MSH3: variants seen among roughly 807,000 people sequenced by gnomAD.
MSH3 encodes mutS homolog 3.
MSH3 carries 106 observed loss-of-function variants against 123.3 expected under a neutral mutation model. That is an observed-to-expected ratio of 0.86 (90% confidence interval 0.73 to 1.01). MSH3 has a LOEUF of 1.01. Ranked by LOEUF, MSH3 falls within the 50% of genes least tolerant of loss-of-function variation. The pLI, the probability that MSH3 is intolerant of heterozygous loss-of-function variation, is 0.00. For missense variants in MSH3, 1,459 were observed against 1,347.6 expected (o/e 1.08, Z -1.29); for synonymous variants, 515 against 481.4 (o/e 1.07, Z -0.91).
chr5:80,754,649 A>T (rs563615911), intron 12 of MSH3, among the ~76,000 whole-genome samples: 7 of 152,194 alleles, frequency 4.6e-5, no homozygotes, highest in Non-Finnish European at 8.8e-5. Flanking sequence ...GCATGCTAAG[A>T]TAATTCTTGG....
chr5:80,775,573 T>C (rs1329987940), intron 15 of MSH3, 121 bp from the exon 16 acceptor site: 2 of 655,020 alleles, frequency 3.1e-6, no homozygotes, highest in African/African-American at 1.8e-5. Flanking sequence ...TGAAAAACAA[T>C]ACTGGACTTA....
intron 20 of MSH3, among the ~76,000 whole-genome samples, chr5:80,822,002 G>T (rs1745211388): frequency 6.6e-6 from 1 of 152,226 alleles, no homozygotes; most frequent in Non-Finnish European, 1.5e-5. Flanking sequence ...TTTAAGCAGA[G>T]TAAAATCCTA....
rs1023290175 is a variant in MSH3, at chr5:80,655,043, A to G, written c.237+79A>G. Reference sequence around the variant, plus strand: ...GTGGGTAAGGCGGGCGGAGGCGGGGACCCTCCGCCCGATGATAGGGCTGGA... The same window carrying G: ...GTGGGTAAGGCGGGCGGAGGCGGGGGCCCTCCGCCCGATGATAGGGCTGGA... On this transcript the variant is annotated intron_variant, in intron 1 of 23. Coordinates refer to ENST00000265081, the MANE Select transcript of MSH3 (RefSeq NM_002439.5). 8 of 825,812 alleles carry G rather than the reference A, an allele frequency of 9.7e-6. No homozygotes were observed. In the East Asian group the frequency reaches 1.9e-4, roughly 20 times the overall value. The allele number at this position is 825,812 out of a possible 1,614,324, so 51.2% of individuals were successfully genotyped here.
At chr5:80,755,514 G>A (rs1335875536) in intron 12 of MSH3, among the ~76,000 whole-genome samples, 1 of 152,114 alleles carries the variant, frequency 6.6e-6, no homozygotes, top group African/African-American at 2.4e-5. Flanking sequence ...AATGCCATAA[G>A]AAGACTTCAT....
intron 8 of MSH3, 55 bp from the exon 9 acceptor site, chr5:80,725,398 C>T (rs547936308): frequency 5.6e-5 from 67 of 1,193,458 alleles, no homozygotes; most frequent in Non-Finnish European, 7.8e-5. Context: ...ACCTAAATAC[C>T]AGCATTTCAT....
chr5:80,836,734 A>C (rs1489605792), intron 20 of MSH3, among the ~76,000 whole-genome samples: 2 of 150,364 alleles, frequency 1.3e-5, no homozygotes, highest in Non-Finnish European at 2.9e-5. Flanking sequence ...TAGAATACCT[A>C]GTGTAATGTA....
chr5:80,706,140 A>C (rs1261030041), intron 8 of MSH3, among the ~76,000 whole-genome samples: 1 of 152,200 alleles, frequency 6.6e-6, no homozygotes, highest in South Asian at 2.1e-4. Context: ...TGGTTTAAAA[A>C]AACTTTTTTT....
intron 20 of MSH3, among the ~76,000 whole-genome samples, chr5:80,843,850 A>C (rs1745670669): frequency 6.6e-6 from 1 of 152,062 alleles, no homozygotes; most frequent in South Asian, 2.1e-4. Context: ...CTTTTCAAAA[A>C]ACTAGCTCCT....
chr5:80,859,031 T>C (rs1745966359), intron 21 of MSH3, among the ~76,000 whole-genome samples: 1 of 152,066 alleles, frequency 6.6e-6, no homozygotes, highest in Non-Finnish European at 1.5e-5. Flanking sequence ...GTCTGCTCTG[T>C]CTCAAATTAA....
chr5:80,678,266 A>G (rs929197091), intron 7 of MSH3, among the ~76,000 whole-genome samples: 3 of 152,082 alleles, frequency 2.0e-5, no homozygotes, highest in African/African-American at 7.2e-5. Context: ...TTGGCTAGAA[A>G]CTTCCTATCA....
In MSH3 at chr5:80,665,422, G is replaced by A. The variant is rs1824837; in HGVS notation, c.579+59G>A. 337,035 of 1,291,162 alleles carry A rather than the reference G, an allele frequency of 0.26. 47,138 individuals carry two copies. The highest frequency in any genetic ancestry group is 0.39 in the Middle Eastern group (1,512 of 3,882). 80.0% of individuals were successfully genotyped at this position (1,291,162 alleles called of 1,614,324 possible). A position where few individuals can be genotyped will look rare whatever the true frequency, so the allele number is the denominator to read the frequency against. Reference sequence around the variant, plus strand: ...CTAGAATAGTGGGTTCTGAAGTACTGTCAGGTTCTCTGAGGTCATTCATGG... The same window carrying A: ...CTAGAATAGTGGGTTCTGAAGTACTATCAGGTTCTCTGAGGTCATTCATGG... On this transcript the variant is annotated intron_variant, in intron 3 of 23. Coordinates refer to ENST00000265081, the MANE Select transcript of MSH3 (RefSeq NM_002439.5).
At chr5:80,782,039 T>C (rs1175214030) in intron 17 of MSH3, among the ~76,000 whole-genome samples, 4 of 151,836 alleles carry the variant, frequency 2.6e-5, no homozygotes, top group African/African-American at 7.3e-5. Flanking sequence ...ATACAGACTT[T>C]TATATTTTTA....
intron 20 of MSH3, among the ~76,000 whole-genome samples, chr5:80,837,590 A>T (rs1745539782): frequency 6.6e-6 from 1 of 152,090 alleles, no homozygotes; most frequent in Non-Finnish European, 1.5e-5. Flanking sequence ...AAAATAAAAT[A>T]AAAATGCTGG....
At position 80,654,931 on chromosome 5, in the gene MSH3, T is replaced by G. The variant is rs1047489; in HGVS notation, c.204T>G (p.Ala68=). The part of the protein sequence containing the change: ...AAAAAPPAPP[A]PAFPPQLPPH... The stretch of plus-strand genomic sequence containing the variant: ...CCGCAGCGCCCCCAGCGCCCCCAGC[T>G]CCCGCCTTCCCGCCCCAGCTGCCGC... Residue 68 remains alanine, a synonymous_variant, in exon 1 of 24, where the codon GCT becomes GCG. Coordinates refer to ENST00000265081, the MANE Select transcript of MSH3 (RefSeq NM_002439.5). The G allele has an allele frequency of 2.7e-4, 212 of 782,254 alleles. 5 individuals are homozygous for G. The highest frequency in any genetic ancestry group is 2.7e-3 in the African/African-American group (70 of 26,196). 48.5% of individuals were successfully genotyped at this position (782,254 alleles called of 1,614,324 possible).
At position 80,721,856 on chromosome 5, in the gene MSH3, A is replaced by C. The variant is rs192637718; in HGVS notation, c.1341-3597A>C. Among the ~76,000 whole-genome samples the C allele has an allele frequency of 2.1e-3, 326 of 152,304 alleles. 2 individuals are homozygous for C. The highest frequency in any genetic ancestry group is 7.6e-3 in the African/African-American group (314 of 41,572). On this transcript the variant is annotated intron_variant, in intron 8 of 23. Coordinates refer to ENST00000265081, the MANE Select transcript of MSH3 (RefSeq NM_002439.5). ...GATACATTTATTTCTACTTTTCATA[A>C]TATTGAGGGAGGGAGTGTTCTGCTT...
chr5:80,777,484 C>T (rs1039958490), intron 16 of MSH3, among the ~76,000 whole-genome samples: 2 of 152,104 alleles, frequency 1.3e-5, no homozygotes, highest in Non-Finnish European at 2.9e-5. Context: ...AAATATCTCC[C>T]TAAATGAGTT....
At chr5:80,853,994 A>C (rs1315433758) in intron 20 of MSH3, 136 bp from the exon 21 acceptor site, 1 of 715,754 alleles carries the variant, frequency 1.4e-6, no homozygotes, top group African/African-American at 1.8e-5. Flanking sequence ...CTTTTGTTTA[A>C]TTTAATTTGA....
intron 8 of MSH3, among the ~76,000 whole-genome samples, chr5:80,695,322 T>G (rs186091638): frequency 1.3e-5 from 2 of 152,132 alleles, no homozygotes; most frequent in Admixed American, 1.3e-4. Flanking sequence ...TTTTCACTTC[T>G]AAAATTTTTG....
chr5:80,667,788 G>C (rs1275672296), intron 3 of MSH3, among the ~76,000 whole-genome samples: 1 of 152,214 alleles, frequency 6.6e-6, no homozygotes, highest in Non-Finnish European at 1.5e-5. Flanking sequence ...CCCAGAGAGG[G>C]TGTCATAGAC....
Sources: allele counts gnomAD v4.1 joint callset (sites outside exome capture counted in the v4.1 genomes callset), GRCh38; gene constraint gnomAD v4.1.1; transcripts MANE v1.5; gene names NCBI Gene and HGNC (gene_info 2026-07-23, HGNC 2026-07-21).